PSD3: variants seen among roughly 807,000 people sequenced by gnomAD.
PSD3 encodes the protein PH and SEC7 domain-containing protein 3.
A neutral mutation model predicts 105.5 loss-of-function variants in PSD3; 49 were observed. The ratio of observed to expected loss-of-function variants is 0.46; its 90% CI spans 0.37 to 0.59. The LOEUF (loss-of-function observed/expected upper bound fraction) is 0.59. Ranked by LOEUF, PSD3 falls within the 20% of genes least tolerant of loss-of-function variation. The probability of loss-of-function intolerance (pLI) is 0.00; values close to 1 mark genes in which losing one functional copy is unlikely to be tolerated. For synonymous variants in PSD3, 557 were observed against 457.8 expected (o/e 1.22, Z -2.77); for missense variants, 1,561 against 1,263.8 (o/e 1.24, Z -3.57).
chr8:18,600,976 A>G (rs1022005952), intron 11 of PSD3, among the ~76,000 whole-genome samples: 4 of 152,210 alleles, frequency 2.6e-5, no homozygotes, highest in Admixed American at 2.0e-4. Flanking sequence ...CAACCTGTGC[A>G]TATCTCTACT....
intron 2 of PSD3, among the ~76,000 whole-genome samples, chr8:18,873,047 G>T (rs913804029): frequency 1.3e-5 from 2 of 152,048 alleles, no homozygotes; most frequent in Non-Finnish European, 2.9e-5. Flanking sequence ...ATGCAAAAAG[G>T]GGTTACAATA....
rs114099143 is a variant in PSD3, at chr8:18,715,911, A to G, written c.2172+49538T>C. 6.0e-3 allele frequency among the ~76,000 whole-genome samples: 918 copies of G among 152,344 alleles called. 10 individuals carry two copies. The highest frequency in any genetic ancestry group is 0.021 in the African/African-American group (877 of 41,578). ...AGACAGACACAGCAGTAAAAATGCAAAGCATCTAACTTCATAGAACATAGA... is the reference window on the plus strand; with the variant it reads ...AGACAGACACAGCAGTAAAAATGCAGAGCATCTAACTTCATAGAACATAGA... On this transcript the variant is annotated intron_variant, in intron 9 of 15. Transcript: ENST00000327040.
intron 2 of PSD3, among the ~76,000 whole-genome samples, chr8:18,874,818 A>G (rs761750505): frequency 2.6e-5 from 4 of 152,012 alleles, no homozygotes; most frequent in Non-Finnish European, 5.9e-5. Context: ...GTGTATTGCT[A>G]TTGAACACAC....
At chr8:18,550,889 G>C (rs1335737019) in intron 15 of PSD3, among the ~76,000 whole-genome samples, 1 of 152,170 alleles carries the variant, frequency 6.6e-6, no homozygotes, top group Non-Finnish European at 1.5e-5. Flanking sequence ...CATGTCTTCT[G>C]TAAAGGAGAT....
chr8:18,635,822 A>C (rs1036720715), intron 10 of PSD3, among the ~76,000 whole-genome samples: 21 of 151,902 alleles, frequency 1.4e-4, no homozygotes, highest in African/African-American at 4.6e-4. Context: ...CTCATAAGTG[A>C]AAGTTGAACA....
chr8:18,761,532 T>C (rs1171618429), intron 9 of PSD3, among the ~76,000 whole-genome samples: 2 of 152,208 alleles, frequency 1.3e-5, no homozygotes, highest in Non-Finnish European at 2.9e-5. Context: ...CCCCTGACTA[T>C]TAAGAGACAG....
chr8:18,619,132 A>T (rs1218289270), intron 11 of PSD3, among the ~76,000 whole-genome samples: 2 of 152,124 alleles, frequency 1.3e-5, no homozygotes, highest in Non-Finnish European at 2.9e-5. Flanking sequence ...CAAATAAAAA[A>T]TCCTAAGCCC....
intron 14 of PSD3, among the ~76,000 whole-genome samples, chr8:18,568,329 C>T (rs1801922307): frequency 6.6e-6 from 1 of 152,112 alleles, no homozygotes; most frequent in Non-Finnish European, 1.5e-5. Flanking sequence ...TGTATTAAAT[C>T]TAAGTAACTT....
chr8:18,912,896 A>AT (rs1194450990), intron 2 of PSD3, among the ~76,000 whole-genome samples: 1 of 152,138 alleles, frequency 6.6e-6, no homozygotes, highest in East Asian at 1.9e-4. Context: ...AACAGTTACC[A>AT]TGCTGTCACA....
At position 18,606,665 on chromosome 8, in the gene PSD3, G is replaced by A. The variant is rs568561565; in HGVS notation, c.2411-6231C>T. ...AGGAGATATTGCAGAGTGAGAACAAGGAGAGAAACTGGAACAAGGGGAACC... is the reference window on the plus strand; with the variant it reads ...AGGAGATATTGCAGAGTGAGAACAAAGAGAGAAACTGGAACAAGGGGAACC... On this transcript the variant is annotated intron_variant, in intron 11 of 15. Transcript: ENST00000327040. Among the ~76,000 whole-genome samples, 3 of 152,184 alleles carry A rather than the reference G, an allele frequency of 2.0e-5. No individual in the cohort carries two copies. The East Asian group carries it at 5.8e-4, about 29-fold the overall frequency.
chr8:18,615,626 C>T (rs77691488), intron 11 of PSD3, among the ~76,000 whole-genome samples: 32,431 of 152,156 alleles, frequency 0.21, 3,593 homozygotes, highest in Non-Finnish European at 0.26. Context: ...ATCAAGCATA[C>T]TATGATTTTT....
chr8:18,984,469 C>A (rs1825398330), intron 1 of PSD3, among the ~76,000 whole-genome samples: 1 of 151,934 alleles, frequency 6.6e-6, no homozygotes, highest in Non-Finnish European at 1.5e-5. Flanking sequence ...AAAAGTTAAA[C>A]AGTATTAAGT....
At chr8:18,850,753 G>A (rs972676709) in intron 4 of PSD3, among the ~76,000 whole-genome samples, 1 of 152,098 alleles carries the variant, frequency 6.6e-6, no homozygotes, top group African/African-American at 2.4e-5. Flanking sequence ...CAAACTGAGG[G>A]GTCATGAGAG....
At position 18,774,937 on chromosome 8, in the gene PSD3, C is replaced by G. The variant is rs373271873; in HGVS notation, c.2083-9399G>C. ...TGGCTACGGCTGCAAAAGCCACCAC[C>G]GCTGCCAAATGCCCCGAGGGAAAGA... is the stretch of plus-strand genomic sequence containing the variant. On this transcript the variant is annotated intron_variant, in intron 8 of 15. Coordinates refer to ENST00000327040, the MANE Select transcript of PSD3 (RefSeq NM_015310.4). 4.9e-4 allele frequency: 224 copies of G among 456,170 alleles called. 2 individuals are homozygous for G. The highest frequency in any genetic ancestry group is 3.4e-3 in the South Asian group (217 of 64,560). The allele number at this position is 456,170 out of a possible 1,614,324, so 28.3% of individuals were successfully genotyped here. A position where few individuals can be genotyped will look rare whatever the true frequency, so the allele number is the denominator to read the frequency against.
intron 1 of PSD3, among the ~76,000 whole-genome samples, chr8:19,003,071 T>C (rs1403300669): frequency 2.0e-5 from 3 of 152,046 alleles, no homozygotes; most frequent in African/African-American, 4.8e-5. Flanking sequence ...AGGTATTCCA[T>C]GAGGTAATGA....
chr8:18,820,489 T>C (rs1264017373), intron 4 of PSD3, among the ~76,000 whole-genome samples: 4 of 152,192 alleles, frequency 2.6e-5, no homozygotes, highest in African/African-American at 4.8e-5. Context: ...AGTATTTAAA[T>C]ATAACCTATA....
At chr8:18,961,975 T>C (rs1231268078) in intron 1 of PSD3, among the ~76,000 whole-genome samples, 1 of 151,992 alleles carries the variant, frequency 6.6e-6, no homozygotes, top group East Asian at 1.9e-4. Flanking sequence ...AAAAATTTTA[T>C]ATTTAAAAAT....
chr8:18,692,787 G>A (rs1272094890), intron 9 of PSD3, among the ~76,000 whole-genome samples: 1 of 152,014 alleles, frequency 6.6e-6, no homozygotes, highest in African/African-American at 2.4e-5. Flanking sequence ...TATTCAAAAG[G>A]GCAGTAAACC....
chr8:19,064,033 C>G (rs1828990837), intron 1 of PSD3, among the ~76,000 whole-genome samples: 1 of 151,938 alleles, frequency 6.6e-6, no homozygotes. Flanking sequence ...CCCAGCTACT[C>G]CGGAGACTGA....
Sources: allele counts gnomAD v4.1 joint callset (sites outside exome capture counted in the v4.1 genomes callset), GRCh38; gene constraint gnomAD v4.1.1; transcripts MANE v1.5; gene names NCBI Gene and HGNC (gene_info 2026-07-23, HGNC 2026-07-21).